The following COMMD1 variants were observed in gnomAD, a reference collection of about 807,000 sequenced individuals.
COMMD1 encodes COMM domain-containing protein 1.
Under a neutral mutation model 17.2 loss-of-function variants are expected in COMMD1, and 10 were observed. The ratio of observed to expected loss-of-function variants is 0.58; its 90% CI spans 0.36 to 0.99. The LOEUF (loss-of-function observed/expected upper bound fraction) is 0.99, where lower values mean the gene tolerates loss of function less well. Ranked by LOEUF, COMMD1 falls within the 50% of genes least tolerant of loss-of-function variation. COMMD1 has a pLI of 0.01. For missense variants in COMMD1, 270 were observed against 231.8 expected (o/e 1.17, Z -1.07); for synonymous variants, 97 against 91.6 (o/e 1.06, Z -0.34).
chr2:61,972,896 C>G (rs1248775346), intron 1 of COMMD1, among the ~76,000 whole-genome samples: 1 of 152,076 alleles, frequency 6.6e-6, no homozygotes, highest in Non-Finnish European at 1.5e-5. Context: ...GTCCCAAACT[C>G]CTAACCTCAA....
chr2:61,944,751 A>C (rs1026081166), intron 1 of COMMD1, among the ~76,000 whole-genome samples: 3 of 152,206 alleles, frequency 2.0e-5, no homozygotes, highest in African/African-American at 7.2e-5. Flanking sequence ...AACTCCATAA[A>C]GAAAACAGGA....
In COMMD1 at chr2:62,088,092, C is replaced by A. The variant is rs369358927; in HGVS notation, c.463-47739C>A. Among the ~76,000 whole-genome samples, 3 of 152,328 alleles carry A rather than the reference C, an allele frequency of 2.0e-5. No individual in the cohort carries two copies. The East Asian group carries it at 5.8e-4, about 29-fold the overall frequency. On this transcript the variant is annotated intron_variant, in intron 2 of 2. Transcript: ENST00000311832. ...ACATTTGAAACTTTGACCTCTCCTT[C>A]CTACTTTGACTTTGATACTACTCTC...
At chr2:62,073,765 C>A (rs1190289561) in intron 2 of COMMD1, among the ~76,000 whole-genome samples, 2 of 152,130 alleles carry the variant, frequency 1.3e-5, no homozygotes, top group Non-Finnish European at 2.9e-5. Context: ...GTGGTGCGAT[C>A]TCGGCTCACT....
At chr2:61,964,260 G>A (rs1573008416) in intron 1 of COMMD1, among the ~76,000 whole-genome samples, 1 of 151,992 alleles carries the variant, frequency 6.6e-6, no homozygotes, top group South Asian at 2.1e-4. Context: ...TTGCTCTGTT[G>A]CCTAGGCTGG....
At chr2:61,906,856 T>C (rs768257642) in intron 1 of COMMD1, among the ~76,000 whole-genome samples, 4 of 152,236 alleles carry the variant, frequency 2.6e-5, no homozygotes, top group Non-Finnish European at 5.9e-5. Context: ...TGAAATTTAA[T>C]CCACTATCCT....
At chr2:61,972,493 G>GA (rs1671676742) in intron 1 of COMMD1, among the ~76,000 whole-genome samples, 3 of 152,146 alleles carry the variant, frequency 2.0e-5, no homozygotes. Flanking sequence ...ATGGAAAGGG[G>GA]AAAAAAGCAA....
At chr2:62,076,741 C>T (rs1353175790) in intron 2 of COMMD1, among the ~76,000 whole-genome samples, 1 of 151,902 alleles carries the variant, frequency 6.6e-6, no homozygotes, top group Non-Finnish European at 1.5e-5. Flanking sequence ...AGCAAGACTC[C>T]ATCTCAAAAA....
At chr2:61,935,905 C>T (rs1034331564) in intron 1 of COMMD1, among the ~76,000 whole-genome samples, 3 of 151,984 alleles carry the variant, frequency 2.0e-5, no homozygotes, top group Non-Finnish European at 2.9e-5. Flanking sequence ...CAACTTCCTC[C>T]TCCAGGGTTC....
intron 2 of COMMD1, among the ~76,000 whole-genome samples, chr2:62,021,179 A>T (rs1423112457): frequency 6.6e-6 from 1 of 152,170 alleles, no homozygotes; most frequent in East Asian, 1.9e-4. Flanking sequence ...TTTTCTTGAC[A>T]GTACTTGGGA....
chr2:62,058,495 A>T (rs1160270175), intron 2 of COMMD1, among the ~76,000 whole-genome samples: 3 of 152,120 alleles, frequency 2.0e-5, no homozygotes, highest in Non-Finnish European at 4.4e-5. Flanking sequence ...TCTTCTTAAG[A>T]CCAGGCATGG....
chr2:62,042,454 C>G (rs1670245949), intron 2 of COMMD1, among the ~76,000 whole-genome samples: 1 of 152,216 alleles, frequency 6.6e-6, no homozygotes, highest in African/African-American at 2.4e-5. Context: ...TGGCACCTAG[C>G]CTGGGCACTC....
chr2:62,110,130 A>G (rs898779006), intron 2 of COMMD1, among the ~76,000 whole-genome samples: 1 of 151,966 alleles, frequency 6.6e-6, no homozygotes, highest in African/African-American at 2.4e-5. Flanking sequence ...GGCTGAGTGC[A>G]GTGGCACAAT....
At chr2:62,104,645 A>C (rs898998337) in intron 2 of COMMD1, among the ~76,000 whole-genome samples, 9 of 151,506 alleles carry the variant, frequency 5.9e-5, no homozygotes, top group Non-Finnish European at 1.3e-4. Flanking sequence ...AAAAAAAAAA[A>C]AAAAAAAAAC....
intron 1 of COMMD1, among the ~76,000 whole-genome samples, chr2:61,936,872 A>G (rs1236341654): frequency 6.6e-6 from 1 of 152,236 alleles, no homozygotes; most frequent in African/African-American, 2.4e-5. Context: ...TAATCTCAGG[A>G]GGTCCTGATG....
At chr2:62,085,010 A>G (rs1671620503) in intron 2 of COMMD1, 1 of 152,210 alleles carries the variant, frequency 6.6e-6, no homozygotes, top group African/African-American at 2.4e-5. Flanking sequence ...ACATTATCTC[A>G]TAATTCTCAC....
At chr2:61,922,960 G>A (rs186098294) in intron 1 of COMMD1, among the ~76,000 whole-genome samples, 1 of 152,160 alleles carries the variant, frequency 6.6e-6, no homozygotes. Flanking sequence ...TTGAATAACA[G>A]TGTAATTTAA....
chr2:61,985,266 G>A (rs534673963), intron 1 of COMMD1, among the ~76,000 whole-genome samples: 1 of 152,210 alleles, frequency 6.6e-6, no homozygotes, highest in Non-Finnish European at 1.5e-5. Flanking sequence ...TAGCCAGGAT[G>A]GTCTCGATCT....
intron 2 of COMMD1, among the ~76,000 whole-genome samples, chr2:62,110,842 C>T (rs936727713): frequency 1.1e-4 from 17 of 152,096 alleles, no homozygotes; most frequent in African/African-American, 3.9e-4. Flanking sequence ...TAATAAGATA[C>T]CTCTTGTATA....
At chr2:62,088,901 A>G (rs1247194652) in intron 2 of COMMD1, among the ~76,000 whole-genome samples, 2 of 152,222 alleles carry the variant, frequency 1.3e-5, no homozygotes, top group Non-Finnish European at 2.9e-5. Context: ...TTTAAGAAAT[A>G]CATTGGTCTG....
Sources: gnomAD v4.1 joint callset for allele counts (sites outside exome capture counted in the v4.1 genomes callset) on GRCh38, gnomAD v4.1.1 for gene constraint, MANE v1.5 for transcripts, NCBI Gene and HGNC (gene_info 2026-07-23, HGNC 2026-07-21) for gene names.